Variants in CRISPLD2 observed in about 807,000 individuals in gnomAD.
The protein encoded by CRISPLD2 is cysteine-rich secretory protein LCCL domain-containing 2.
A neutral mutation model predicts 71.1 loss-of-function variants in CRISPLD2; 47 were observed. The ratio of observed to expected loss-of-function variants is 0.66; its 90% CI spans 0.52 to 0.84. CRISPLD2 has a LOEUF of 0.84. Among genes scored for constraint, CRISPLD2 ranks in the 40% least tolerant of loss-of-function variants. The pLI is 0.00. For synonymous variants in CRISPLD2, 317 were observed against 250.1 expected, an observed-to-expected ratio of 1.27 and a Z score of -2.52; for missense variants, 830 against 651.1, an observed-to-expected ratio of 1.27 and a Z score of -2.99.
At chr16:84,836,999 C>G (rs1032635361) in intron 1 of CRISPLD2, among the ~76,000 whole-genome samples, 1 of 152,188 alleles carries the variant, frequency 6.6e-6, no homozygotes, top group Non-Finnish European at 1.5e-5. Flanking sequence ...TCCATCTCCC[C>G]GACCTAACTG....
At chr16:84,841,713 G>A (rs1381123586) in intron 2 of CRISPLD2, among the ~76,000 whole-genome samples, 5 of 151,710 alleles carry the variant, frequency 3.3e-5, no homozygotes, top group Non-Finnish European at 7.4e-5. Context: ...CTCCTGTCTC[G>A]GCCTCCCAAG....
chr16:84,831,154 A>T (rs1916478905), intron 1 of CRISPLD2, among the ~76,000 whole-genome samples: 1 of 152,170 alleles, frequency 6.6e-6, no homozygotes, highest in Non-Finnish European at 1.5e-5. Flanking sequence ...CTCAGCTGAG[A>T]CGCAGCCATG....
chr16:84,876,893 T>G (rs1464608738), intron 11 of CRISPLD2, among the ~76,000 whole-genome samples: 1 of 151,944 alleles, frequency 6.6e-6, no homozygotes, highest in East Asian at 1.9e-4. Flanking sequence ...TTTCCTTACC[T>G]GTGTTGTTTA....
At chr16:84,835,307 G>A (rs1916591203) in intron 1 of CRISPLD2, among the ~76,000 whole-genome samples, 1 of 152,076 alleles carries the variant, frequency 6.6e-6, no homozygotes, top group African/African-American at 2.4e-5. Context: ...CCAGGCTGGT[G>A]TCGAACTTCT....
At position 84,906,852 on chromosome 16, in the gene CRISPLD2, G is replaced by T. The variant is rs1597491428; in HGVS notation, c.*210G>T. 3.1e-6 allele frequency: 2 copies of T among 655,094 alleles called. No homozygotes were observed. The highest frequency in any genetic ancestry group is 1.7e-5 in the South Asian group (1 of 59,092). The allele number at this position is 655,094 out of a possible 1,614,324, so 40.6% of individuals were successfully genotyped here. A position where few individuals can be genotyped will look rare whatever the true frequency, so the allele number is the denominator to read the frequency against. The stretch of plus-strand genomic sequence containing the variant: ...CCAAGGTGCTCAGCCGGACTCCCTG[G>T]TGCCTGATCCTGCTGGGGCCTGGGG... On this transcript the variant is annotated 3_prime_UTR_variant, in exon 15 of 15. Transcript: ENST00000262424.
intron 12 of CRISPLD2, among the ~76,000 whole-genome samples, chr16:84,880,207 A>C (rs903532645): frequency 1.3e-5 from 2 of 152,158 alleles, no homozygotes; most frequent in African/African-American, 4.8e-5. Flanking sequence ...GCAGCCTCAC[A>C]ATTCCACACT....
intron 8 of CRISPLD2, among the ~76,000 whole-genome samples, chr16:84,869,638 C>T (rs1030131654): frequency 2.0e-4 from 30 of 152,146 alleles, no homozygotes; most frequent in African/African-American, 7.0e-4. Flanking sequence ...TGTCAACAGT[C>T]AGCAGTGGAA....
At chr16:84,847,510 G>A (rs1451714668) in intron 3 of CRISPLD2, among the ~76,000 whole-genome samples, 1 of 152,094 alleles carries the variant, frequency 6.6e-6, no homozygotes, top group Non-Finnish European at 1.5e-5. Flanking sequence ...AATTAGCCAG[G>A]CGTGGTGGCA....
intron 6 of CRISPLD2, among the ~76,000 whole-genome samples, chr16:84,864,227 C>G (rs1027479546): frequency 1.4e-4 from 22 of 152,258 alleles, no homozygotes; most frequent in Middle Eastern, 3.4e-3. Context: ...CTGGGCCATA[C>G]AAGGTGTCTT....
chr16:84,882,631 C>T (rs2071578800), intron 13 of CRISPLD2, among the ~76,000 whole-genome samples: 1 of 152,204 alleles, frequency 6.6e-6, no homozygotes, highest in Non-Finnish European at 1.5e-5. Flanking sequence ...TCTCGAACCC[C>T]TGACCTCAGG....
chr16:84,849,526 G>A lies in CRISPLD2; in HGVS notation c.492+9G>A, dbSNP rs368770898. 47 of 1,613,162 alleles carry A rather than the reference G, an allele frequency of 2.9e-5. No homozygotes were observed. The African/African-American group carries it at 6.0e-4, about 21-fold the overall frequency. ...GCACGCACTACACACAGGTAACTCG[G>A]GGACTTGCCACGACCTCAGCCCTGC... On this transcript the variant is annotated intron_variant, in intron 4 of 14. Transcript: ENST00000262424.
rs1386704038 is a variant in CRISPLD2, at chr16:84,830,722, A to G, written c.-74-7700A>G. 2.0e-5 allele frequency among the ~76,000 whole-genome samples: 3 copies of G among 151,762 alleles called. No individual in the cohort carries two copies. The East Asian group carries it at 5.8e-4, about 29-fold the overall frequency. ...AGACTCTGTCTTAAAAAAAAAAAAA[A>G]GTCATATTTAAAAAGAAGGTAATAA... On this transcript the variant is annotated intron_variant, in intron 1 of 14. Transcript: ENST00000262424.
At chr16:84,896,988 CA>C (rs2071711936) in intron 14 of CRISPLD2, among the ~76,000 whole-genome samples, 1 of 152,116 alleles carries the variant, frequency 6.6e-6, no homozygotes, top group African/African-American at 2.4e-5. Context: ...TGGGTGATGC[CA>C]AAAGGCAAGC....
At chr16:84,884,324 A>G (rs1430804591) in intron 13 of CRISPLD2, among the ~76,000 whole-genome samples, 4 of 94,928 alleles carry the variant, frequency 4.2e-5, no homozygotes, top group South Asian at 7.2e-4. Context: ...GCGATTGATA[A>G]TGACAACACC....
chr16:84,880,602 TCAA>T lies in CRISPLD2; in HGVS notation c.1305+23_1305+25del. 1.9e-6 allele frequency: 3 copies of T among 1,606,524 alleles called. No homozygotes were observed. The highest frequency in any genetic ancestry group is 2.6e-6 in the Non-Finnish European group (3 of 1,173,422). ...ATGCAGATGTGAGTAGGATGCATTT[TCAA>T]CAACTATCTCGCAAAGCCTGTTAAA... On this transcript the variant is annotated intron_variant, in intron 13 of 14. Transcript: ENST00000262424.
At chr16:84,854,423 G>C (rs1419383506) in intron 5 of CRISPLD2, among the ~76,000 whole-genome samples, 1 of 152,208 alleles carries the variant, frequency 6.6e-6, no homozygotes, top group East Asian at 1.9e-4. Context: ...GGCCCTAACA[G>C]TGTTCAGAGC....
intron 1 of CRISPLD2, among the ~76,000 whole-genome samples, chr16:84,827,706 A>G (rs570550733): frequency 6.6e-6 from 1 of 152,122 alleles, no homozygotes; most frequent in Non-Finnish European, 1.5e-5. Flanking sequence ...AGCTGGGACT[A>G]CAGGCATGTG....
At chr16:84,820,980 A>T (rs928493294) in intron 1 of CRISPLD2, among the ~76,000 whole-genome samples, 1 of 152,238 alleles carries the variant, frequency 6.6e-6, no homozygotes, top group Non-Finnish European at 1.5e-5. Flanking sequence ...TGGACAAGCC[A>T]GGGAGGACTT....
chr16:84,900,492 C>A (rs1055138427), intron 14 of CRISPLD2, among the ~76,000 whole-genome samples: 1 of 151,906 alleles, frequency 6.6e-6, no homozygotes, highest in East Asian at 1.9e-4. Context: ...GATGCCACTC[C>A]CTACCTTCTA....
Sources: allele counts gnomAD v4.1 joint callset (sites outside exome capture counted in the v4.1 genomes callset), GRCh38; gene constraint gnomAD v4.1.1; transcripts MANE v1.5; gene names NCBI Gene and HGNC (gene_info 2026-07-23, HGNC 2026-07-21).